Variants in SULT2B1 observed in about 807,000 individuals in gnomAD.
The protein encoded by SULT2B1 is sulfotransferase family 2B member 1.
SULT2B1 carries 16 observed loss-of-function variants against 33.2 expected under a neutral mutation model. The ratio of observed to expected loss-of-function variants is 0.48; its 90% CI spans 0.33 to 0.73. SULT2B1 has a LOEUF of 0.73. SULT2B1 is among the 30% of genes least tolerant of loss of function. The pLI is 0.02. For missense variants in SULT2B1, 500 were observed against 506.0 expected (o/e 0.99, Z 0.11); for synonymous variants, 186 against 200.5 (o/e 0.93, Z 0.61).
intron 1 of SULT2B1, among the ~76,000 whole-genome samples, chr19:48,557,262 G>A (rs781257721): frequency 6.6e-6 from 1 of 152,068 alleles, no homozygotes; most frequent in East Asian, 1.9e-4. Context: ...ATGTGAGATC[G>A]GGCTCTGTGG....
At chr19:48,595,066 C>T (rs574312703) in intron 5 of SULT2B1, among the ~76,000 whole-genome samples, 2 of 151,604 alleles carry the variant, frequency 1.3e-5, no homozygotes, top group East Asian at 1.9e-4. Flanking sequence ...GCAGATCACC[C>T]GAGGGTGGGA....
chr19:48,584,554 A>G (rs183063210), intron 2 of SULT2B1, among the ~76,000 whole-genome samples: 2 of 152,310 alleles, frequency 1.3e-5, no homozygotes, highest in East Asian at 3.9e-4. Flanking sequence ...AGAGGCATGA[A>G]GTTGGAGCCA....
chr19:48,567,775 A>G (rs181094181), intron 1 of SULT2B1, among the ~76,000 whole-genome samples: 35 of 149,778 alleles, frequency 2.3e-4, no homozygotes, highest in African/African-American at 8.6e-4. Flanking sequence ...TTCAAGACCA[A>G]CCTGAGCAAT....
chr19:48,566,877 C>T (rs2665600), intron 1 of SULT2B1, among the ~76,000 whole-genome samples: 19,737 of 151,612 alleles, frequency 0.13, 1,383 homozygotes, highest in African/African-American at 0.16. Context: ...TTGGCACACA[C>T]CTGTAATCCC....
In SULT2B1 at chr19:48,559,252, G is replaced by C. The variant is rs941773229; in HGVS notation, c.71+6929G>C. Among the ~76,000 whole-genome samples, 9 of 152,168 alleles carry C rather than the reference G, an allele frequency of 5.9e-5. 1 individual carries two copies. Among genetic ancestry groups the C allele is most frequent in the Non-Finnish European group, 1.2e-4 (8 of 68,038 alleles). On this transcript the variant is annotated intron_variant, in intron 1 of 6. Coordinates refer to ENST00000201586, the MANE Select transcript of SULT2B1 (RefSeq NM_177973.2). ...TCCTTTCCACTCGCTCTTTGGGGTG[G>C]GGGGAGGCAGTTGTGCCTGGTGGGC...
chr19:48,596,453 C>G (rs1439968365), intron 5 of SULT2B1: 2 of 226,646 alleles, frequency 8.8e-6, no homozygotes, highest in Non-Finnish European at 8.2e-6. Flanking sequence ...CCTCTGCCCC[C>G]GGCTGTGACC....
Position 48,599,157 on chromosome 19 carries a change from C to G in SULT2B1, c.849C>G (p.Asn283Lys). ...LRKGVCGDWK[N>K]HFTVAQSEAF... ...CAGGGGTCTGCGGCGACTGGAAGAA[C>G]CACTTCACGGTGGCCCAGAGCGAAG... The change falls in exon 7 of 7, where the codon AAC (asparagine) becomes AAG (lysine). Residue 283 changes from asparagine to lysine, a missense_variant. Physicochemically the swap from Asn to Lys is moderately conservative, Grantham distance 94. Transcript: ENST00000201586. The surrounding 1 kb of genome is among the most constrained non-coding windows in gnomAD (Gnocchi z 4.1). 6.3e-7 allele frequency: 1 copy of G among 1,591,322 alleles called. No homozygotes were observed. Among genetic ancestry groups the G allele is most frequent in the South Asian group, 1.1e-5 (1 of 88,448 alleles).
chr19:48,582,215 TTA>T (rs1973501652), intron 2 of SULT2B1, among the ~76,000 whole-genome samples: 1 of 152,120 alleles, frequency 6.6e-6, no homozygotes, highest in Non-Finnish European at 1.5e-5. Context: ...TTGATTTTGC[TTA>T]TGTTTTTCTT....
chr19:48,585,042 C>A (rs1973544230), intron 2 of SULT2B1, among the ~76,000 whole-genome samples: 1 of 104,430 alleles, frequency 9.6e-6, no homozygotes, highest in Non-Finnish European at 1.9e-5. Context: ...GAGTGAGACT[C>A]CTTCTCAAAA....
At chr19:48,589,001 C>A (rs1023396679) in intron 3 of SULT2B1, among the ~76,000 whole-genome samples, 19 of 152,184 alleles carry the variant, frequency 1.2e-4, no homozygotes, top group African/African-American at 4.6e-4. Flanking sequence ...GACCGAGTGA[C>A]GAGGCAGCGC....
intron 3 of SULT2B1, among the ~76,000 whole-genome samples, chr19:48,589,225 G>GGATGTGGGTGTGAGAGAA (rs765551263): frequency 2.0e-5 from 3 of 152,064 alleles, no homozygotes; most frequent in African/African-American, 4.8e-5. Flanking sequence ...CTGACAGACT[G>GGATGTGGGTGTGAGAGAA]GATGTGGGTG....
intron 2 of SULT2B1, among the ~76,000 whole-genome samples, chr19:48,586,093 G>T (rs1973558439): frequency 6.6e-6 from 1 of 151,238 alleles, no homozygotes; most frequent in Admixed American, 6.6e-5. Flanking sequence ...GTGGTTGTGT[G>T]CACCTGTGGT....
intron 1 of SULT2B1, among the ~76,000 whole-genome samples, chr19:48,566,839 CA>C (rs770788681): frequency 0.13 from 17,651 of 136,156 alleles, 1,080 homozygotes; most frequent in Non-Finnish European, 0.15. Flanking sequence ...GAGACTCTGT[CA>C]AAAAAAAAAA....
intron 2 of SULT2B1, among the ~76,000 whole-genome samples, chr19:48,579,779 G>C (rs1210332042): frequency 6.8e-6 from 1 of 146,398 alleles, no homozygotes; most frequent in Non-Finnish European, 1.5e-5. Flanking sequence ...GCTAATTTTT[G>C]TATTTTTAGT....
intron 1 of SULT2B1, among the ~76,000 whole-genome samples, chr19:48,570,122 A>G (rs1289298238): frequency 1.3e-5 from 2 of 151,330 alleles, no homozygotes; most frequent in African/African-American, 2.4e-5. Flanking sequence ...TGGCTCTTTC[A>G]CTCAGTGCAA....
chr19:48,559,606 G>T (rs2147597768), intron 1 of SULT2B1, among the ~76,000 whole-genome samples: 1 of 152,286 alleles, frequency 6.6e-6, no homozygotes, highest in Admixed American at 6.5e-5. Flanking sequence ...CATTTGGAAA[G>T]AACTAAGCAG....
At chr19:48,578,157 G>T (rs1306179887) in intron 2 of SULT2B1, among the ~76,000 whole-genome samples, 2 of 152,074 alleles carry the variant, frequency 1.3e-5, no homozygotes, top group Non-Finnish European at 2.9e-5. Flanking sequence ...AGGCTCCAGT[G>T]AGCTGCGATC....
chr19:48,583,701 C>T (rs1385796036), intron 2 of SULT2B1, among the ~76,000 whole-genome samples: 1 of 151,886 alleles, frequency 6.6e-6, no homozygotes, highest in Non-Finnish European at 1.5e-5. Context: ...GCCTGTAGTC[C>T]CAGCTGCTTG....
intron 1 of SULT2B1, among the ~76,000 whole-genome samples, chr19:48,553,918 G>A (rs1973059163): frequency 6.6e-6 from 1 of 152,108 alleles, no homozygotes; most frequent in African/African-American, 2.4e-5. Context: ...TCGCCTCCAG[G>A]GTTCCCGCCT....
Sources: allele counts gnomAD v4.1 joint callset (sites outside exome capture counted in the v4.1 genomes callset), GRCh38; gene constraint gnomAD v4.1.1; non-coding constraint Gnocchi (gnomAD v3.1); transcripts MANE v1.5; gene names NCBI Gene and HGNC (gene_info 2026-07-23, HGNC 2026-07-21).